The following NRG1 variants were observed in gnomAD, a reference collection of about 807,000 sequenced individuals.
NRG1 encodes the protein pro-neuregulin-1, membrane-bound isoform.
A neutral mutation model predicts 63.8 loss-of-function variants in NRG1; 18 were observed. The observed-to-expected ratio is 0.28, with a 90% CI of 0.19 to 0.42. The LOEUF (loss-of-function observed/expected upper bound fraction) is 0.42. Ranked by LOEUF, NRG1 falls within the 10% of genes least tolerant of loss-of-function variation. NRG1 has a pLI of 1.00. For missense variants in NRG1, 762 were observed against 814.7 expected, an observed-to-expected ratio of 0.94 and a Z score of 0.79; for synonymous variants, 302 against 301.3, an observed-to-expected ratio of 1.00 and a Z score of -0.02.
chr8:32,647,733 C>G (rs77808765), intron 5 of NRG1: 142 of 1,578,100 alleles, frequency 9.0e-5, no homozygotes, highest in Non-Finnish European at 1.1e-4. Flanking sequence ...GATTTATTCC[C>G]CAGACATGTC....
At chr8:32,111,109 C>A (rs1563799177) in intron 1 of NRG1, among the ~76,000 whole-genome samples, 1 of 151,894 alleles carries the variant, frequency 6.6e-6, no homozygotes, top group Non-Finnish European at 1.5e-5. Flanking sequence ...GCTGAGCTAT[C>A]ATTTTTTTTC....
chr8:32,762,622 C>T (rs568484429), intron 11 of NRG1, among the ~76,000 whole-genome samples: 50 of 152,264 alleles, frequency 3.3e-4, no homozygotes, highest in Non-Finnish European at 5.9e-4. Flanking sequence ...GAGGTTCATA[C>T]GTTTTCCGTT....
chr8:31,850,400 C>T (rs1563479917), intron 1 of NRG1, among the ~76,000 whole-genome samples: 1 of 152,162 alleles, frequency 6.6e-6, no homozygotes, highest in African/African-American at 2.4e-5. Flanking sequence ...CCTGTGGTTG[C>T]ACTCTTGGTT....
chr8:32,721,338 TC>T (rs1316773924), intron 5 of NRG1, among the ~76,000 whole-genome samples: 1 of 152,164 alleles, frequency 6.6e-6, no homozygotes, highest in Non-Finnish European at 1.5e-5. Context: ...CCAGTTAATC[TC>T]CATTGGCCCT....
Position 32,749,665 on chromosome 8 carries a change from C to T in NRG1, c.692-4707C>T, listed in dbSNP as rs1828291728. 4 of 1,322,110 alleles carry T rather than the reference C, an allele frequency of 3.0e-6. No homozygotes were observed. The Admixed American group carries it at 6.0e-5, about 20-fold the overall frequency. The allele number at this position is 1,322,110 out of a possible 1,614,324, so 81.9% of individuals were successfully genotyped here. ...AATCTTTTTCCCTTCCTACTCTTAC[C>T]TTTCAGTTCCTAACTAATTTCCTTT... On this transcript the variant is annotated intron_variant, in intron 7 of 11. Transcript: ENST00000356819.
At chr8:32,648,009 G>A (rs1299064873) in intron 5 of NRG1, 1 of 1,614,156 alleles carries the variant, frequency 6.2e-7, no homozygotes, top group Admixed American at 1.7e-5. Flanking sequence ...CCTCAAGTGG[G>A]TATTTGTGGA....
Position 32,299,025 on chromosome 8 carries a change from C to CAAAAAAAAAAAAAA in NRG1, c.38-296793_38-296780dup, listed in dbSNP as rs34799826. On this transcript the variant is annotated intron_variant, in intron 1 of 10. Coordinates refer to the NRG1 transcript ENST00000519301. Reference sequence around the variant, plus strand: ...CTGGGGACAAAGTTAGACTCTATCTCAAAAAAAAAAAAAAAAAAAAAAAGA... The same window carrying CAAAAAAAAAAAAAA: ...CTGGGGACAAAGTTAGACTCTATCTCAAAAAAAAAAAAAAAAAAAAAAAAAAAAAAAAAAAAAGA... Among the ~76,000 whole-genome samples, 68 of 59,284 alleles carry CAAAAAAAAAAAAAA rather than the reference C, an allele frequency of 1.1e-3. 1 individual carries two copies. Among genetic ancestry groups the CAAAAAAAAAAAAAA allele is most frequent in the East Asian group, 4.7e-3 (7 of 1,494 alleles). The allele number at this position is 59,284 out of a possible 152,430, so 38.9% of individuals were successfully genotyped here. A position where few individuals can be genotyped will look rare whatever the true frequency, so the allele number is the denominator to read the frequency against.
At chr8:32,656,473 C>CACTTAAGGG (rs1467671040) in intron 5 of NRG1, among the ~76,000 whole-genome samples, 2 of 152,124 alleles carry the variant, frequency 1.3e-5, no homozygotes, top group Non-Finnish European at 2.9e-5. Context: ...TAGATATACA[C>CACTTAAGGG]ACTTAAGGGA....
At chr8:32,081,494 G>A (rs1047862387) in intron 1 of NRG1, among the ~76,000 whole-genome samples, 21 of 152,144 alleles carry the variant, frequency 1.4e-4, no homozygotes, top group African/African-American at 4.8e-4. Flanking sequence ...GCTGACTTGA[G>A]TCCACGTAGC....
intron 1 of NRG1, among the ~76,000 whole-genome samples, chr8:31,646,715 G>T (rs2130857382): frequency 6.6e-6 from 1 of 152,114 alleles, no homozygotes; most frequent in South Asian, 2.1e-4. Flanking sequence ...AATAATTAAT[G>T]AATAAATGAC....
At chr8:32,348,941 A>G (rs10503912) in intron 1 of NRG1, among the ~76,000 whole-genome samples, 77,542 of 152,108 alleles carry the variant, frequency 0.51, 20,862 homozygotes, top group Non-Finnish European at 0.61. Context: ...TCCAAACATT[A>G]TGCAACTTTA....
intron 1 of NRG1, among the ~76,000 whole-genome samples, chr8:32,528,226 T>A (rs1831081385): frequency 6.6e-6 from 1 of 152,240 alleles, no homozygotes; most frequent in Non-Finnish European, 1.5e-5. Context: ...CATATATGAC[T>A]ACGTGAAAGT....
At chr8:31,700,999 G>A (rs73239830) in intron 1 of NRG1, among the ~76,000 whole-genome samples, 22,476 of 152,148 alleles carry the variant, frequency 0.15, 1,803 homozygotes, top group Admixed American at 0.21. Context: ...TAGCAGATGC[G>A]CTTTTCGCTG....
rs1803714946 is a variant in NRG1, at chr8:31,640,991, G to A, written c.37+1560G>A. 1.3e-5 allele frequency among the ~76,000 whole-genome samples: 2 copies of A among 152,188 alleles called. No homozygotes were observed. The highest frequency in any genetic ancestry group is 2.9e-5 in the Non-Finnish European group (2 of 68,032). ...CTCCTGAAACTTTTTAATCCTTTGG[G>A]GTTTGGCTCACCAAGTAGATCGGAA... On this transcript the variant is annotated intron_variant, in intron 1 of 10. Transcript: ENST00000519301. The surrounding 1 kb of genome is among the most constrained non-coding windows in gnomAD (Gnocchi z 6.3).
chr8:31,708,485 G>C (rs1251739582), intron 1 of NRG1, among the ~76,000 whole-genome samples: 13 of 143,998 alleles, frequency 9.0e-5, no homozygotes, highest in Admixed American at 1.4e-4. Context: ...TCGCTCTGGC[G>C]CCCAGGCTGG....
chr8:32,127,049 G>C (rs915485414), intron 1 of NRG1, among the ~76,000 whole-genome samples: 4 of 151,874 alleles, frequency 2.6e-5, no homozygotes, highest in Non-Finnish European at 5.9e-5. Flanking sequence ...TCTCCATTTT[G>C]TATTAATGTA....
rs564896076 is a variant in NRG1 at position 32,427,684 on chromosome 8, G to GA, written c.38-168137dup. 6.4e-4 allele frequency among the ~76,000 whole-genome samples: 97 copies of GA among 152,150 alleles called. 1 individual carries two copies. In the East Asian group the frequency reaches 0.012, roughly 19 times the overall value. ...ATTTGATAGCTCCTTCAGTAATGAA[G>GA]AAAAAAATGGGCTATTGTGTTTGAA... On this transcript the variant is annotated intron_variant, in intron 1 of 10. Coordinates refer to the NRG1 transcript ENST00000519301.
chr8:32,327,496 G>C (rs1802149595), intron 1 of NRG1, among the ~76,000 whole-genome samples: 1 of 152,186 alleles, frequency 6.6e-6, no homozygotes, highest in Non-Finnish European at 1.5e-5. Context: ...TATTTTAAGG[G>C]AGATCCTGAC....
intron 1 of NRG1, among the ~76,000 whole-genome samples, chr8:32,063,820 A>C (rs766352791): frequency 6.6e-6 from 1 of 152,156 alleles, no homozygotes; most frequent in Non-Finnish European, 1.5e-5. Context: ...ATTAACTTAT[A>C]TAAAGTTTTT....
Sources: gnomAD v4.1 joint callset for allele counts (sites outside exome capture counted in the v4.1 genomes callset) on GRCh38, gnomAD v4.1.1 for gene constraint, Gnocchi (gnomAD v3.1) non-coding constraint, MANE v1.5 for transcripts, NCBI Gene and HGNC (gene_info 2026-07-23, HGNC 2026-07-21) for gene names.